The following PPARGC1A variants were observed in gnomAD, a reference collection of about 807,000 sequenced individuals.
PPARGC1A encodes PPARG coactivator 1 alpha.
PPARGC1A carries 25 observed loss-of-function variants against 88.7 expected under a neutral mutation model. The ratio of observed to expected loss-of-function variants is 0.28; its 90% CI spans 0.21 to 0.39. The LOEUF (loss-of-function observed/expected upper bound fraction) is 0.39, where lower values mean the gene tolerates loss of function less well. Among genes scored for constraint, PPARGC1A ranks in the 10% least tolerant of loss-of-function variants. PPARGC1A has a pLI of 1.00. For missense variants in PPARGC1A, 880 were observed against 968.7 expected (o/e 0.91, Z 1.22); for synonymous variants, 363 against 355.6 (o/e 1.02, Z -0.24).
the PPARGC1A span, among the ~76,000 whole-genome samples, chr4:23,924,015 G>T: frequency 6.6e-6 from 1 of 152,190 alleles, no homozygotes; most frequent in Non-Finnish European, 1.5e-5. Context: ...GGAGGCAGGG[G>T]CAATTCCATT....
chr4:24,255,079 A>C, the PPARGC1A span, among the ~76,000 whole-genome samples: 1 of 152,220 alleles, frequency 6.6e-6, no homozygotes, highest in South Asian at 2.1e-4. Flanking sequence ...TGTTCCCATT[A>C]ATCACTTAAG....
chr4:24,145,227 T>A, the PPARGC1A span, among the ~76,000 whole-genome samples: 3 of 152,084 alleles, frequency 2.0e-5, no homozygotes, highest in African/African-American at 7.2e-5. Flanking sequence ...AATGAAGAGA[T>A]GAACCACTTT....
At chr4:24,360,353 C>A in the PPARGC1A span, among the ~76,000 whole-genome samples, 2 of 152,146 alleles carry the variant, frequency 1.3e-5, no homozygotes, top group South Asian at 4.1e-4. Flanking sequence ...CTGACCTCAT[C>A]CTTCCTTGGA....
the PPARGC1A span, among the ~76,000 whole-genome samples, chr4:24,210,940 TC>T: frequency 2.0e-5 from 3 of 152,148 alleles, no homozygotes; most frequent in Admixed American, 2.0e-4. Context: ...CTCCTCACTC[TC>T]CCTAATAGAG....
chr4:24,312,609 G>T, the PPARGC1A span, among the ~76,000 whole-genome samples: 1 of 145,424 alleles, frequency 6.9e-6, no homozygotes, highest in Non-Finnish European at 1.5e-5. Flanking sequence ...AATGTGGGGT[G>T]GGGGGGAAAA....
At chr4:23,919,840 G>C in the PPARGC1A span, among the ~76,000 whole-genome samples, 1 of 152,156 alleles carries the variant, frequency 6.6e-6, no homozygotes, top group Non-Finnish European at 1.5e-5. Flanking sequence ...AGAGGACAAA[G>C]AAAGAGTGCC....
At chr4:24,113,111 A>T in the PPARGC1A span, among the ~76,000 whole-genome samples, 1 of 152,152 alleles carries the variant, frequency 6.6e-6, no homozygotes, top group Non-Finnish European at 1.5e-5. Context: ...ACTTACAATG[A>T]CTTGGGCATA....
the PPARGC1A span, among the ~76,000 whole-genome samples, chr4:24,125,121 T>A: frequency 6.6e-6 from 1 of 152,198 alleles, no homozygotes; most frequent in African/African-American, 2.4e-5. Context: ...AAATGTATTT[T>A]ATGATCAATT....
At chr4:23,798,123 G>A (rs1179920027) in intron 12 of PPARGC1A, among the ~76,000 whole-genome samples, 1 of 149,884 alleles carries the variant, frequency 6.7e-6, no homozygotes, top group Admixed American at 6.7e-5. Flanking sequence ...CTTATACAAC[G>A]GCCCCACCCC....
the PPARGC1A span, among the ~76,000 whole-genome samples, chr4:24,140,145 C>CT: frequency 1.3e-5 from 2 of 152,146 alleles, no homozygotes; most frequent in African/African-American, 4.8e-5. Flanking sequence ...GTGTGAAACG[C>CT]TAGGCCACAA....
the PPARGC1A span, among the ~76,000 whole-genome samples, chr4:24,050,798 T>C: frequency 6.6e-6 from 1 of 152,168 alleles, no homozygotes; most frequent in African/African-American, 2.4e-5. Flanking sequence ...AATTACTCAT[T>C]GAATTGACAA....
the PPARGC1A span, among the ~76,000 whole-genome samples, chr4:24,047,349 C>T: frequency 0.25 from 38,146 of 152,180 alleles, 5,666 homozygotes; most frequent in Admixed American, 0.37. Flanking sequence ...CTCTTTACTA[C>T]TATATCCCTG....
At chr4:23,975,602 G>A in the PPARGC1A span, among the ~76,000 whole-genome samples, 1 of 152,134 alleles carries the variant, frequency 6.6e-6, no homozygotes, top group Non-Finnish European at 1.5e-5. Context: ...ATTTTTAGTA[G>A]AGACAGGGTT....
At chr4:23,931,384 A>G in the PPARGC1A span, among the ~76,000 whole-genome samples, 1 of 152,154 alleles carries the variant, frequency 6.6e-6, no homozygotes, top group South Asian at 2.1e-4. Context: ...GTAGAAGGTT[A>G]CTGTAGACTA....
chr4:24,201,851 C>T, the PPARGC1A span, among the ~76,000 whole-genome samples: 1 of 151,474 alleles, frequency 6.6e-6, no homozygotes, highest in African/African-American at 2.4e-5. Context: ...GCCTATAGTT[C>T]TATTTATGGC....
chr4:24,320,021 C>T, the PPARGC1A span, among the ~76,000 whole-genome samples: 7 of 152,090 alleles, frequency 4.6e-5, no homozygotes, highest in East Asian at 1.2e-3. Context: ...CAGAAAATAC[C>T]GACATCAGAC....
At position 23,795,645 on chromosome 4, in the gene PPARGC1A, C is replaced by T; in HGVS notation, c.*177G>A. Reference sequence around the variant, plus strand: ...CTTCAGCAGCTGTGTTCATGTAAACCATTGTTGTTATTGTTGTTGTTGTTC... The same window carrying T: ...CTTCAGCAGCTGTGTTCATGTAAACTATTGTTGTTATTGTTGTTGTTGTTC... On this transcript the variant is annotated 3_prime_UTR_variant, in exon 13 of 13. Transcript: ENST00000264867. 1 of 551,642 alleles carries T rather than the reference C, an allele frequency of 1.8e-6. No homozygotes were observed. Among genetic ancestry groups the T allele is most frequent in the East Asian group, 3.2e-5 (1 of 31,622 alleles). The allele number at this position is 551,642 out of a possible 1,614,324, so 34.2% of individuals were successfully genotyped here. A position where few individuals can be genotyped will look rare whatever the true frequency, so the allele number is the denominator to read the frequency against.
the PPARGC1A span, among the ~76,000 whole-genome samples, chr4:24,348,081 AT>A: frequency 1.3e-5 from 2 of 152,192 alleles, no homozygotes; most frequent in African/African-American, 4.8e-5. Context: ...GTTTCGCTGG[AT>A]ACAAAATTCT....
the PPARGC1A span, among the ~76,000 whole-genome samples, chr4:24,123,762 G>C: frequency 1.3e-5 from 2 of 152,088 alleles, no homozygotes; most frequent in African/African-American, 4.8e-5. Context: ...CTTCCCGTAA[G>C]AAGCTGGGCT....
Sources: gnomAD v4.1 joint callset for allele counts (sites outside exome capture counted in the v4.1 genomes callset) on GRCh38, gnomAD v4.1.1 for gene constraint, MANE v1.5 for transcripts, NCBI Gene and HGNC (gene_info 2026-07-23, HGNC 2026-07-21) for gene names.